The following SV2B variants were observed in gnomAD, a reference collection of about 807,000 sequenced individuals.
SV2B encodes the protein synaptic vesicle glycoprotein 2B.
Under a neutral mutation model 73.9 loss-of-function variants are expected in SV2B, and 41 were observed. That is an observed-to-expected ratio of 0.56 (90% confidence interval 0.43 to 0.72). The LOEUF is 0.72. Among genes scored for constraint, SV2B ranks in the 30% least tolerant of loss-of-function variants. The pLI is 0.00. For synonymous variants in SV2B, 314 were observed against 314.2 expected (o/e 1.00, Z 0.01); for missense variants, 764 against 857.8 (o/e 0.89, Z 1.37).
chr15:91,172,535 G>C (rs930201874), intron 1 of SV2B, among the ~76,000 whole-genome samples: 1 of 152,230 alleles, frequency 6.6e-6, no homozygotes, highest in Non-Finnish European at 1.5e-5. Flanking sequence ...CACAGAGGGA[G>C]GCACGAAAGA....
At chr15:91,206,711 C>G (rs1349436971) in intron 1 of SV2B, among the ~76,000 whole-genome samples, 4 of 152,080 alleles carry the variant, frequency 2.6e-5, no homozygotes, top group Non-Finnish European at 5.9e-5. Context: ...GGTTTGTTAG[C>G]TGGTATACTC....
chr15:91,278,648 C>CACA (rs2048576928), intron 9 of SV2B, among the ~76,000 whole-genome samples: 1 of 100,924 alleles, frequency 9.9e-6, no homozygotes, highest in Non-Finnish European at 1.9e-5. Flanking sequence ...CACTGCAGTC[C>CACA]GGCCTGGGCG....
At chr15:91,248,193 C>T (rs939288375) in intron 2 of SV2B, among the ~76,000 whole-genome samples, 33 of 152,082 alleles carry the variant, frequency 2.2e-4, no homozygotes, top group African/African-American at 4.6e-4. Context: ...TGGTGGTGGG[C>T]GCCTGTAGTC....
At position 91,232,428 on chromosome 15, in the gene SV2B, T is replaced by C. The variant is rs1206055042; in HGVS notation, c.451+5714T>C. Among the ~76,000 whole-genome samples, 1 of 152,138 alleles carries C rather than the reference T, an allele frequency of 6.6e-6. No homozygotes were observed. The highest frequency in any genetic ancestry group is 1.5e-5 in the Non-Finnish European group (1 of 68,012). On this transcript the variant is annotated intron_variant, in intron 2 of 12. Transcript: ENST00000394232. The surrounding 1 kb of genome is among the most constrained non-coding windows in gnomAD (Gnocchi z 4.7). ...GTACACGGATTGCTGTGTTTAGGAGTGTGGAGTTGATTCCACCGGCAATGG... is the reference window on the plus strand; with the variant it reads ...GTACACGGATTGCTGTGTTTAGGAGCGTGGAGTTGATTCCACCGGCAATGG...
intron 1 of SV2B, among the ~76,000 whole-genome samples, chr15:91,158,031 A>G (rs189519128): frequency 2.4e-4 from 36 of 152,302 alleles, no homozygotes; most frequent in Admixed American, 7.8e-4. Flanking sequence ...CTGTATGTCC[A>G]TGGGCCTATG....
In SV2B at chr15:91,226,597, T is replaced by C. The variant is rs1383257589; in HGVS notation, c.334T>C (p.Phe112Leu). ...CCATGGCCGCTTCCAGTGGATCCTC[T>C]TTTTCGTCTTGGGTTTGGCCCTGAT... ...CGHGRFQWIL[F>L]FVLGLALMAD... is the part of the protein sequence containing the mutation. The change falls in exon 2 of 13, where the codon TTT (phenylalanine) becomes CTT (leucine). Residue 112 changes from phenylalanine (F) to leucine (L), a missense_variant. Coordinates refer to ENST00000394232, the MANE Select transcript of SV2B (RefSeq NM_001323032.3). The C allele has an allele frequency of 1.9e-6, 3 of 1,614,016 alleles. No individual in the cohort carries two copies. The highest frequency in any genetic ancestry group is 2.5e-6 in the Non-Finnish European group (3 of 1,180,006).
intron 1 of SV2B, among the ~76,000 whole-genome samples, chr15:91,218,646 A>G (rs1426696567): frequency 6.6e-6 from 1 of 152,170 alleles, no homozygotes; most frequent in African/African-American, 2.4e-5. Flanking sequence ...ATAATGCCTC[A>G]GTGTCCACCA....
In SV2B at chr15:91,270,852, A is replaced by T. The variant is rs549166098; in HGVS notation, c.1373+2247A>T. 2.3e-5 allele frequency among the ~76,000 whole-genome samples: 3 copies of T among 132,802 alleles called. No individual in the cohort carries two copies. In the South Asian group the frequency reaches 7.1e-4, roughly 31 times the overall value. The allele number at this position is 132,802 out of a possible 152,430, so 87.1% of individuals were successfully genotyped here. On this transcript the variant is annotated intron_variant, in intron 9 of 12. Transcript: ENST00000394232. ...TCCTGTGGATGATGGGGGGACGGTG[A>T]ATCCTGTGGATGATGGGCGGACGGT...
Position 91,144,454 on chromosome 15 carries a change from T to C in SV2B, c.-392+44091T>C, listed in dbSNP as rs543767905. On this transcript the variant is annotated intron_variant, in intron 1 of 12. Coordinates refer to ENST00000394232, the MANE Select transcript of SV2B (RefSeq NM_001323032.3). ...AAGCATTTGCTTATTCTTCCCCAAATAGATGGATACTAGTAATAAATAATG... is the reference window on the plus strand; with the variant it reads ...AAGCATTTGCTTATTCTTCCCCAAACAGATGGATACTAGTAATAAATAATG... 2.6e-5 allele frequency among the ~76,000 whole-genome samples: 4 copies of C among 152,312 alleles called. No homozygotes were observed. The South Asian group carries it at 8.3e-4, about 32-fold the overall frequency.
intron 1 of SV2B, among the ~76,000 whole-genome samples, chr15:91,191,059 G>GTTTTTTTTTTTTTTTTTTTTT: frequency 1.7e-5 from 1 of 59,752 alleles, no homozygotes; most frequent in South Asian, 6.5e-4. Flanking sequence ...TTTTTTTGGT[G>GTTTTTTTTTTTTTTTTTTTTT]TTTCTTTTTT....
Position 91,268,209 on chromosome 15 carries a change from T to C in SV2B, c.1209-232T>C, listed in dbSNP as rs548746032. Among the ~76,000 whole-genome samples, 4 of 152,378 alleles carry C rather than the reference T, an allele frequency of 2.6e-5. No homozygotes were observed. The South Asian group carries it at 8.3e-4, about 32-fold the overall frequency. On this transcript the variant is annotated intron_variant, in intron 8 of 12. Transcript: ENST00000394232. This position sits in a 1 kb window ranked among gnomAD's most constrained non-coding sequence, Gnocchi z 4.4. ...TCAACCCCTAATCTATTGGTGTTTG[T>C]ATCAGGAAAACATTTCTTTTAAATC... is the stretch of plus-strand genomic sequence containing the variant.
Position 91,292,500 on chromosome 15 carries a change from G to A in SV2B, c.2000G>A (p.Gly667Asp). The change falls in exon 13 of 13, where the codon GGT becomes GAT. Residue 667 changes from glycine (G) to aspartate (D), a missense_variant. Gly to Asp is a moderately conservative substitution (Grantham distance 94). Transcript: ENST00000394232. ...ILLAAASLVG[G>D]GLIALRLPET... ...CTGGCTGCTGCTTCTCTGGTTGGGG[G>A]TGGCCTGATTGCCCTTCGACTGCCA... 6.2e-7 allele frequency: 1 copy of A among 1,614,184 alleles called. No homozygotes were observed. Among genetic ancestry groups the A allele is most frequent in the Admixed American group, 1.7e-5 (1 of 60,026 alleles).
intron 2 of SV2B, among the ~76,000 whole-genome samples, chr15:91,244,483 A>T (rs2047146964): frequency 6.6e-6 from 1 of 152,242 alleles, no homozygotes. Context: ...ACGACATGTT[A>T]AAGCCAAACC....
intron 1 of SV2B, among the ~76,000 whole-genome samples, chr15:91,143,816 T>TC (rs1297670045): frequency 1.3e-5 from 2 of 152,230 alleles, no homozygotes; most frequent in Non-Finnish European, 2.9e-5. Context: ...TCAGATTTGC[T>TC]TCAGCCTCGA....
rs564703443 is a variant in SV2B at position 91,225,885 on chromosome 15, G to C, written c.-379G>C. 4.3e-6 allele frequency: 1 copy of C among 234,100 alleles called. No homozygotes were observed. The highest frequency in any genetic ancestry group is 8.2e-6 in the Non-Finnish European group (1 of 122,230). 14.5% of individuals were successfully genotyped at this position (234,100 alleles called of 1,614,324 possible). On this transcript the variant is annotated 5_prime_UTR_variant, in exon 2 of 13. Transcript: ENST00000394232. ...TCTCTGTTCTCAGAGCATAACCTTC[G>C]GTGGCAGGACAAATCAGGCCAGCAC...
intron 9 of SV2B, among the ~76,000 whole-genome samples, chr15:91,276,431 T>C (rs2048490433): frequency 6.6e-6 from 1 of 152,122 alleles, no homozygotes; most frequent in South Asian, 2.1e-4. Flanking sequence ...CTTTCTTGAA[T>C]TCCAATTGCA....
chr15:91,200,238 G>C (rs2045412239), intron 1 of SV2B, among the ~76,000 whole-genome samples: 1 of 152,214 alleles, frequency 6.6e-6, no homozygotes, highest in African/African-American at 2.4e-5. Context: ...AGATCAAGCA[G>C]GTTTGTTCTG....
intron 1 of SV2B, among the ~76,000 whole-genome samples, chr15:91,188,283 TTTTATTTA>T (rs200076814): frequency 0.089 from 12,749 of 144,008 alleles, 607 homozygotes; most frequent in African/African-American, 0.095. Context: ...TGTTCCTTAT[TTTTATTTA>T]TTTATTTATT....
intron 2 of SV2B, among the ~76,000 whole-genome samples, chr15:91,244,670 C>G (rs1017009873): frequency 6.6e-6 from 1 of 152,162 alleles, no homozygotes; most frequent in African/African-American, 2.4e-5. Flanking sequence ...GTGGGATTCC[C>G]ATATATGTTA....
Sources: allele counts gnomAD v4.1 joint callset (sites outside exome capture counted in the v4.1 genomes callset), GRCh38; gene constraint gnomAD v4.1.1; non-coding constraint Gnocchi (gnomAD v3.1); transcripts MANE v1.5; gene names NCBI Gene and HGNC (gene_info 2026-07-23, HGNC 2026-07-21).